Variants in PPME1 observed in about 807,000 individuals in gnomAD.
The protein encoded by PPME1 is testicular secretory protein Li 39.
PPME1 carries 17 observed loss-of-function variants against 56.9 expected under a neutral mutation model. That is an observed-to-expected ratio of 0.30 (90% confidence interval 0.20 to 0.45). The LOEUF is 0.45. Ranked by LOEUF, PPME1 falls within the 20% of genes least tolerant of loss-of-function variation. The pLI, the probability that PPME1 is intolerant of heterozygous loss-of-function variation, is 1.00. For missense variants in PPME1, 357 were observed against 483.2 expected (o/e 0.74, Z 2.45); for synonymous variants, 122 against 156.2 (o/e 0.78, Z 1.63).
intron 1 of PPME1, among the ~76,000 whole-genome samples, chr11:74,200,357 T>G (rs969984203): frequency 2.1e-5 from 3 of 145,834 alleles, no homozygotes; most frequent in African/African-American, 7.6e-5. Context: ...GTCATGTGTT[T>G]TGTGTGTGTG....
At chr11:74,227,049 A>C (rs909300762) in intron 5 of PPME1, among the ~76,000 whole-genome samples, 6 of 152,134 alleles carry the variant, frequency 3.9e-5, no homozygotes, top group African/African-American at 1.4e-4. Flanking sequence ...TCTAGGGTAT[A>C]GGGAAAGCTA....
At chr11:74,209,047 G>C (rs1434365862) in intron 3 of PPME1, among the ~76,000 whole-genome samples, 1 of 152,136 alleles carries the variant, frequency 6.6e-6, no homozygotes, top group Non-Finnish European at 1.5e-5. Flanking sequence ...TACCTAGCTA[G>C]GTAATTGTAC....
chr11:74,251,803 T>TA, intron 13 of PPME1, 88 bp downstream of exon 13: 2 of 1,523,210 alleles, frequency 1.3e-6, no homozygotes, highest in Non-Finnish European at 1.8e-6. Flanking sequence ...ATCTCTGCCT[T>TA]ACCCCTGCCT....
intron 7 of PPME1, among the ~76,000 whole-genome samples, chr11:74,233,421 C>G (rs1237305863): frequency 6.6e-6 from 1 of 151,862 alleles, no homozygotes; most frequent in Non-Finnish European, 1.5e-5. Flanking sequence ...TTTGGCTATT[C>G]TAGATTTTTT....
chr11:74,202,836 C>T (rs1012831248), intron 1 of PPME1, among the ~76,000 whole-genome samples: 1 of 152,032 alleles, frequency 6.6e-6, no homozygotes, highest in Non-Finnish European at 1.5e-5. Flanking sequence ...ACTTTCCTTT[C>T]CAAGATACCA....
intron 1 of PPME1, among the ~76,000 whole-genome samples, chr11:74,190,408 C>T (rs966314213): frequency 5.3e-5 from 8 of 152,170 alleles, no homozygotes; most frequent in African/African-American, 1.4e-4. Flanking sequence ...TCCCTGCTGT[C>T]GGCTCCCACT....
chr11:74,242,785 A>C (rs960242528), intron 9 of PPME1, among the ~76,000 whole-genome samples: 1 of 145,380 alleles, frequency 6.9e-6, no homozygotes, highest in Admixed American at 6.9e-5. Context: ...AGGCTGAGGC[A>C]GGAGAATCGC....
chr11:74,235,075 GT>G (rs1292768787), intron 7 of PPME1, among the ~76,000 whole-genome samples: 1 of 152,194 alleles, frequency 6.6e-6, no homozygotes, highest in Non-Finnish European at 1.5e-5. Context: ...TACCATTAAA[GT>G]AAGAAATCAT....
At chr11:74,252,361 T>G in intron 13 of PPME1, 1 of 448,208 alleles carries the variant, frequency 2.2e-6, no homozygotes, top group Non-Finnish European at 4.5e-6. Flanking sequence ...GTGTTGGGAT[T>G]ATAGGGATTA....
chr11:74,252,481 C>G (rs993890844), intron 13 of PPME1: 4 of 456,528 alleles, frequency 8.8e-6, no homozygotes, highest in African/African-American at 8.0e-5. Flanking sequence ...GTGCCTCTGC[C>G]AGGCTTGCTT....
intron 1 of PPME1, among the ~76,000 whole-genome samples, chr11:74,191,407 C>T (rs1374086681): frequency 6.6e-6 from 1 of 152,198 alleles, no homozygotes; most frequent in African/African-American, 2.4e-5. Flanking sequence ...AAACTTGCAA[C>T]CTGGCCCTCT....
At position 74,230,208 on chromosome 11, in the gene PPME1, GA is replaced by G. The variant is rs768554894; in HGVS notation, c.399-34del. On this transcript the variant is annotated intron_variant, in intron 5 of 13. Transcript: ENST00000328257. The surrounding 1 kb of genome is among the most constrained non-coding windows in gnomAD (Gnocchi z 4.9). ...GAAAACCATTTTTACAGTGTTGTCAGAAAGCATTCTTAGATCTTTTTCTCTT... is the reference window on the plus strand; with the variant it reads ...GAAAACCATTTTTACAGTGTTGTCAGAAGCATTCTTAGATCTTTTTCTCTT... 1 of 1,577,610 alleles carries G rather than the reference GA, an allele frequency of 6.3e-7. No individual in the cohort carries two copies. The highest frequency in any genetic ancestry group is 8.6e-7 in the Non-Finnish European group (1 of 1,163,694).
chr11:74,171,303 G>C lies in PPME1; in HGVS notation c.-119G>C. The C allele has an allele frequency of 6.6e-7, 1 of 1,508,532 alleles. No homozygotes were observed. Among genetic ancestry groups the C allele is most frequent in the Non-Finnish European group, 8.9e-7 (1 of 1,128,744 alleles). 93.4% of individuals were successfully genotyped at this position (1,508,532 alleles called of 1,614,324 possible). A position where few individuals can be genotyped will look rare whatever the true frequency, so the allele number is the denominator to read the frequency against. ...CGGTAGGCGGTGCTACGGGTAGCTG[G>C]GTGCTGTCCAAAGGCGACAGGGCGT... On this transcript the variant is annotated 5_prime_UTR_variant, in exon 1 of 14. Transcript: ENST00000328257.
At chr11:74,251,235 T>G in intron 12 of PPME1, 1 of 1,400,802 alleles carries the variant, frequency 7.1e-7, no homozygotes, top group South Asian at 1.7e-5. Flanking sequence ...ACTCTGCTAT[T>G]TCATCCCAGG....
At chr11:74,224,626 G>A (rs1296691173) in intron 4 of PPME1, among the ~76,000 whole-genome samples, 1 of 139,550 alleles carries the variant, frequency 7.2e-6, no homozygotes, top group African/African-American at 2.9e-5. Flanking sequence ...TCCTTGAGCA[G>A]TGGTTTGTAG....
intron 7 of PPME1, among the ~76,000 whole-genome samples, chr11:74,233,280 G>A (rs1030801339): frequency 2.0e-5 from 3 of 152,146 alleles, no homozygotes; most frequent in Non-Finnish European, 2.9e-5. Flanking sequence ...TTTGTTAAAT[G>A]TTAAGATGTT....
intron 5 of PPME1, among the ~76,000 whole-genome samples, chr11:74,226,491 C>T (rs1591053387): frequency 6.6e-6 from 1 of 152,310 alleles, no homozygotes; most frequent in Admixed American, 6.5e-5. Flanking sequence ...TCCAATTATT[C>T]CTACTGCCTT....
chr11:74,230,377 G>A lies in PPME1; in HGVS notation c.531G>A (p.Leu177=). 2.5e-6 allele frequency: 4 copies of A among 1,613,754 alleles called. No individual in the cohort carries two copies. The highest frequency in any genetic ancestry group is 3.4e-6 in the Non-Finnish European group (4 of 1,179,766). ...ACCTGGTACCAAGCCTCTTGGGTCT[G>A]TGCATGATTGATGTTGTAGAAGGTG... is the stretch of plus-strand genomic sequence containing the variant. The part of the protein sequence containing the change: ...SSNLVPSLLG[L]CMIDVVEGTA... Residue 177 remains leucine, a synonymous_variant, in exon 6 of 14, where the codon CTG becomes CTA. Coordinates refer to ENST00000328257, the MANE Select transcript of PPME1 (RefSeq NM_016147.3). This position sits in a 1 kb window ranked among gnomAD's most constrained non-coding sequence, Gnocchi z 4.9.
In PPME1 at chr11:74,171,293, C is replaced by G; in HGVS notation, c.-129C>G. 3 of 1,504,102 alleles carry G rather than the reference C, an allele frequency of 2.0e-6. No individual in the cohort carries two copies. The highest frequency in any genetic ancestry group is 2.7e-6 in the Non-Finnish European group (3 of 1,125,768). The allele number at this position is 1,504,102 out of a possible 1,614,324, so 93.2% of individuals were successfully genotyped here. A position where few individuals can be genotyped will look rare whatever the true frequency, so the allele number is the denominator to read the frequency against. On this transcript the variant is annotated 5_prime_UTR_variant, in exon 1 of 14. Coordinates refer to ENST00000328257, the MANE Select transcript of PPME1 (RefSeq NM_016147.3). The stretch of plus-strand genomic sequence containing the variant: ...AGCCGGTGGGCGGTAGGCGGTGCTA[C>G]GGGTAGCTGGGTGCTGTCCAAAGGC...
Sources: gnomAD v4.1 joint callset for allele counts (sites outside exome capture counted in the v4.1 genomes callset) on GRCh38, gnomAD v4.1.1 for gene constraint, Gnocchi (gnomAD v3.1) non-coding constraint, MANE v1.5 for transcripts, NCBI Gene and HGNC (gene_info 2026-07-23, HGNC 2026-07-21) for gene names.